Variants in ATP13A4 observed in about 807,000 individuals in gnomAD.
ATP13A4 encodes ATPase 13A4, also known as probable cation-transporting ATPase 13A4.
In ATP13A4, 114 loss-of-function variants were observed where a neutral mutation model predicts 142.5. The ratio of observed to expected loss-of-function variants is 0.80; its 90% CI spans 0.69 to 0.93. ATP13A4 has a LOEUF of 0.93. Among genes scored for constraint, ATP13A4 ranks in the 40% least tolerant of loss-of-function variants. The pLI, the probability that ATP13A4 is intolerant of heterozygous loss-of-function variation, is 0.00. For synonymous variants in ATP13A4, 488 were observed against 514.8 expected, an observed-to-expected ratio of 0.95 and a Z score of 0.70; for missense variants, 1,392 against 1,454.0, an observed-to-expected ratio of 0.96 and a Z score of 0.69.
rs1208428825 is a variant in ATP13A4, at chr3:193,445,509, C to A, written c.2152+2697G>T. 2.0e-5 allele frequency among the ~76,000 whole-genome samples: 3 copies of A among 151,846 alleles called. No homozygotes were observed. In the East Asian group the frequency reaches 5.8e-4, roughly 29 times the overall value. On this transcript the variant is annotated intron_variant, in intron 18 of 29. Coordinates refer to ENST00000342695, the MANE Select transcript of ATP13A4 (RefSeq NM_032279.4). Reference sequence around the variant, plus strand: ...TGGGGACTCATGCCTATAATCCCAGCACTTTGGGAGGCCAAGGTGGTAGGA... The same window carrying A: ...TGGGGACTCATGCCTATAATCCCAGAACTTTGGGAGGCCAAGGTGGTAGGA...
intron 3 of ATP13A4, among the ~76,000 whole-genome samples, chr3:193,493,747 AG>A (rs1720075468): frequency 6.6e-6 from 1 of 152,278 alleles, no homozygotes; most frequent in Admixed American, 6.5e-5. Flanking sequence ...CTGAAACCAA[AG>A]TATTGATACA....
At chr3:193,593,078 G>T (rs1198278699) in exon 1 of ATP13A4, 1 of 384,748 alleles carries the variant, frequency 2.6e-6, no homozygotes, top group African/African-American at 2.1e-5. Context: ...CCCGTGAGAG[G>T]CGATGGATTG....
intron 8 of ATP13A4, among the ~76,000 whole-genome samples, chr3:193,474,144 C>G (rs563376198): frequency 7.3e-4 from 111 of 151,572 alleles, no homozygotes; most frequent in African/African-American, 2.6e-3. Context: ...ATGATGAAAC[C>G]CCGTCTCTAC....
chr3:193,476,789 G>GA (rs1718989027), intron 8 of ATP13A4, among the ~76,000 whole-genome samples: 1 of 151,982 alleles, frequency 6.6e-6, no homozygotes, highest in Admixed American at 6.6e-5. Flanking sequence ...GAGAGAGAGA[G>GA]ACAGGAATGG....
chr3:193,428,895 C>T (rs1478596253), intron 25 of ATP13A4, among the ~76,000 whole-genome samples: 1 of 151,754 alleles, frequency 6.6e-6, no homozygotes, highest in African/African-American at 2.4e-5. Flanking sequence ...ACATATGTAA[C>T]AAACCTTCAC....
intron 28 of ATP13A4, among the ~76,000 whole-genome samples, chr3:193,409,503 A>G (rs1215407508): frequency 6.6e-6 from 1 of 152,204 alleles, no homozygotes; most frequent in African/African-American, 2.4e-5. Context: ...TTCTGTAAGA[A>G]TCTTCTTCTA....
intron 2 of ATP13A4, among the ~76,000 whole-genome samples, chr3:193,514,301 T>C (rs1011443929): frequency 2.6e-5 from 4 of 152,172 alleles, no homozygotes; most frequent in African/African-American, 9.7e-5. Flanking sequence ...TGTGTTATCA[T>C]TTAGCTCCCA....
At chr3:193,569,666 G>A (rs188672586) in intron 2 of ATP13A4, among the ~76,000 whole-genome samples, 13 of 151,912 alleles carry the variant, frequency 8.6e-5, no homozygotes, top group Admixed American at 4.6e-4. Context: ...TAACTGGAAC[G>A]ACAGATGCAC....
chr3:193,583,260 C>T (rs1244836689), intron 1 of ATP13A4, among the ~76,000 whole-genome samples: 1 of 151,592 alleles, frequency 6.6e-6, no homozygotes, highest in Non-Finnish European at 1.5e-5. Flanking sequence ...TGGCGAAACC[C>T]CGTCTCTACT....
At chr3:193,517,168 T>C (rs754576357) in intron 1 of ATP13A4, among the ~76,000 whole-genome samples, 13 of 152,220 alleles carry the variant, frequency 8.5e-5, no homozygotes, top group Non-Finnish European at 1.9e-4. Flanking sequence ...TGCTCTTCTT[T>C]ATTCTTTTAT....
Position 193,412,239 on chromosome 3 carries a change from A to C in ATP13A4, c.3147T>G (p.Cys1049Trp). 6.2e-7 allele frequency: 1 copy of C among 1,613,504 alleles called. No individual in the cohort carries two copies. The highest frequency in any genetic ancestry group is 2.2e-5 in the East Asian group (1 of 44,864). The change falls in exon 27 of 30, where the codon TGT (cysteine) becomes TGG (tryptophan). Residue 1049 changes from cysteine (C) to tryptophan (W), a missense_variant. Physicochemically the swap from Cys to Trp is radical, Grantham distance 215. Coordinates refer to ENST00000342695, the MANE Select transcript of ATP13A4 (RefSeq NM_032279.4). ...TTVWFLGTIN[C>W]ITVALVFSKG... is the part of the protein sequence containing the mutation. ...TAGAGAACACAAGAGCCACAGTGATACAGTTGATTGTTCCCAAGAACCAGA... is the reference window on the plus strand; with the variant it reads ...TAGAGAACACAAGAGCCACAGTGATCCAGTTGATTGTTCCCAAGAACCAGA...
intron 16 of ATP13A4, among the ~76,000 whole-genome samples, chr3:193,456,013 C>T (rs1320130112): frequency 1.3e-5 from 2 of 152,036 alleles, no homozygotes; most frequent in African/African-American, 4.8e-5. Flanking sequence ...ATACTGGGGC[C>T]TGTTGTAGGG....
chr3:193,573,297 A>G (rs1471542505), intron 2 of ATP13A4, among the ~76,000 whole-genome samples: 4 of 108,908 alleles, frequency 3.7e-5, no homozygotes, highest in African/African-American at 1.7e-4. Context: ...ATACACATAT[A>G]TATATATATA....
rs74357257 is a variant in ATP13A4, at chr3:193,507,866, A to T, written c.235-5227T>A. ...ATAGGTATTATCATCAGCCCCGGTTAACAGAAAAAAAATGGAGGCAAAAAG... is the reference window on the plus strand; with the variant it reads ...ATAGGTATTATCATCAGCCCCGGTTTACAGAAAAAAAATGGAGGCAAAAAG... On this transcript the variant is annotated intron_variant, in intron 2 of 29. Transcript: ENST00000342695. Among the ~76,000 whole-genome samples, 820 of 152,306 alleles carry T rather than the reference A, an allele frequency of 5.4e-3. 14 individuals carry two copies. The East Asian group carries it at 0.07, about 13-fold the overall frequency.
chr3:193,568,094 G>C (rs1724179351), intron 2 of ATP13A4, among the ~76,000 whole-genome samples: 1 of 151,972 alleles, frequency 6.6e-6, no homozygotes, highest in Non-Finnish European at 1.5e-5. Context: ...TGAGTAGCTG[G>C]GATTACAGGC....
intron 23 of ATP13A4, among the ~76,000 whole-genome samples, chr3:193,436,688 G>A (rs112595874): frequency 0.037 from 5,642 of 151,564 alleles, 345 homozygotes; most frequent in African/African-American, 0.13. Context: ...CTGACCTCAA[G>A]TGATCCACCC....
chr3:193,409,108 C>T (rs954201744), intron 28 of ATP13A4, among the ~76,000 whole-genome samples: 14 of 152,130 alleles, frequency 9.2e-5, no homozygotes, highest in African/African-American at 3.1e-4. Context: ...CACTATATGG[C>T]TTTTTAAACA....
chr3:193,487,240 A>G (rs1719683665), intron 7 of ATP13A4, among the ~76,000 whole-genome samples: 3 of 151,230 alleles, frequency 2.0e-5, no homozygotes, highest in East Asian at 1.9e-4. Flanking sequence ...GGTACTGGGG[A>G]AAAAAAAATA....
At chr3:193,429,105 T>C (rs1715833743) in intron 25 of ATP13A4, among the ~76,000 whole-genome samples, 1 of 152,014 alleles carries the variant, frequency 6.6e-6, no homozygotes, top group South Asian at 2.1e-4. Context: ...CATAATAAGA[T>C]ATCACTCCAA....
Sources: gnomAD v4.1 joint callset for allele counts (sites outside exome capture counted in the v4.1 genomes callset) on GRCh38, gnomAD v4.1.1 for gene constraint, MANE v1.5 for transcripts, NCBI Gene and HGNC (gene_info 2026-07-23, HGNC 2026-07-21) for gene names.